The following CCDC102B variants were observed in gnomAD, a reference collection of about 807,000 sequenced individuals.
CCDC102B encodes the protein coiled-coil domain-containing protein 102B.
A neutral mutation model predicts 57.4 loss-of-function variants in CCDC102B; 75 were observed. The ratio of observed to expected loss-of-function variants is 1.31; its 90% confidence interval spans 1.08 to 1.58. The LOEUF is 1.58. Ranked by LOEUF, CCDC102B falls within the 40% of genes most tolerant of loss-of-function variation. The pLI is 0.00. For synonymous variants in CCDC102B, 206 were observed against 201.9 expected (o/e 1.02, Z -0.17); for missense variants, 636 against 582.6 (o/e 1.09, Z -0.94).
intron 2 of CCDC102B, among the ~76,000 whole-genome samples, chr18:68,722,366 A>G (rs1372940957): frequency 1.3e-5 from 2 of 152,218 alleles, no homozygotes; most frequent in Non-Finnish European, 1.5e-5. Context: ...TGGCCTGACT[A>G]TATGACAATG....
chr18:69,024,897 T>C (rs2051942774), intron 7 of CCDC102B, among the ~76,000 whole-genome samples: 1 of 152,054 alleles, frequency 6.6e-6, no homozygotes, highest in Non-Finnish European at 1.5e-5. Flanking sequence ...AGTTCTTATA[T>C]AGGTTTATGT....
At chr18:68,868,300 A>T (rs2039092113) in intron 4 of CCDC102B, among the ~76,000 whole-genome samples, 1 of 152,180 alleles carries the variant, frequency 6.6e-6, no homozygotes, top group Admixed American at 6.5e-5. Flanking sequence ...TGACATCCTT[A>T]TTTTGACTTG....
intron 1 of CCDC102B, among the ~76,000 whole-genome samples, chr18:68,804,666 A>G (rs796746473): frequency 2.6e-5 from 4 of 152,216 alleles, no homozygotes; most frequent in African/African-American, 9.6e-5. Flanking sequence ...GGCCAAGTAA[A>G]ACAGGAATTT....
intron 5 of CCDC102B, among the ~76,000 whole-genome samples, chr18:68,891,079 T>C (rs964982346): frequency 6.6e-6 from 1 of 152,188 alleles, no homozygotes; most frequent in Non-Finnish European, 1.5e-5. Flanking sequence ...TTTATCTGTA[T>C]CTCTTTTAAA....
chr18:69,010,341 A>C (rs2051480301), intron 6 of CCDC102B, among the ~76,000 whole-genome samples: 1 of 152,010 alleles, frequency 6.6e-6, no homozygotes, highest in Admixed American at 6.6e-5. Flanking sequence ...AATTATTGTA[A>C]CCTGTTAATT....
intron 6 of CCDC102B, among the ~76,000 whole-genome samples, chr18:68,999,154 A>C (rs1274140594): frequency 6.6e-6 from 1 of 151,998 alleles, no homozygotes; most frequent in Admixed American, 6.6e-5. Flanking sequence ...GTGAAGGAGC[A>C]ATCATGGAAA....
intron 2 of CCDC102B, among the ~76,000 whole-genome samples, chr18:68,762,535 T>C (rs1300562378): frequency 6.6e-6 from 1 of 152,124 alleles, no homozygotes; most frequent in East Asian, 1.9e-4. Context: ...CCCTTGTTTT[T>C]CTTAATGATG....
chr18:68,844,246 A>G (rs1046966921), intron 3 of CCDC102B, among the ~76,000 whole-genome samples: 11 of 151,814 alleles, frequency 7.2e-5, no homozygotes, highest in African/African-American at 2.7e-4. Flanking sequence ...TGATTTCTCA[A>G]CATGTATGAT....
intron 7 of CCDC102B, among the ~76,000 whole-genome samples, chr18:69,015,849 TTTTTTA>T (rs1332852444): frequency 6.6e-6 from 1 of 151,984 alleles, no homozygotes; most frequent in Non-Finnish European, 1.5e-5. Context: ...AATGGCACAT[TTTTTTA>T]TTTTTATTTT....
At chr18:68,951,676 C>T (rs2145197576) in intron 6 of CCDC102B, among the ~76,000 whole-genome samples, 1 of 151,874 alleles carries the variant, frequency 6.6e-6, no homozygotes, top group East Asian at 1.9e-4. Context: ...GGTGTGGTGT[C>T]ACACATCTTT....
At chr18:68,762,500 T>G (rs559835081) in intron 2 of CCDC102B, among the ~76,000 whole-genome samples, 1 of 152,240 alleles carries the variant, frequency 6.6e-6, no homozygotes, top group South Asian at 2.1e-4. Flanking sequence ...ACTGTCATGG[T>G]ATTCCAGAGC....
chr18:68,832,861 A>G (rs112329937), intron 1 of CCDC102B, among the ~76,000 whole-genome samples: 3,104 of 152,096 alleles, frequency 0.02, 105 homozygotes, highest in African/African-American at 0.071. Flanking sequence ...GAATGGACAC[A>G]TCCAGGTAGC....
chr18:68,804,935 A>G (rs980660237), intron 1 of CCDC102B, among the ~76,000 whole-genome samples: 1 of 150,788 alleles, frequency 6.6e-6, no homozygotes, highest in African/African-American at 2.4e-5. Context: ...TAATCTAGAG[A>G]GAGGTACAAA....
At chr18:69,040,649 A>T (rs72959994) in intron 7 of CCDC102B, among the ~76,000 whole-genome samples, 5,026 of 151,882 alleles carry the variant, frequency 0.033, 138 homozygotes, top group East Asian at 0.15. Flanking sequence ...TGATTTTATC[A>T]CTCTGTAGTA....
chr18:68,826,883 A>G (rs914713916), intron 1 of CCDC102B, among the ~76,000 whole-genome samples: 9 of 152,194 alleles, frequency 5.9e-5, no homozygotes, highest in African/African-American at 2.2e-4. Context: ...ATAAGAGTTA[A>G]AATGAAAGAT....
intron 6 of CCDC102B, among the ~76,000 whole-genome samples, chr18:68,971,276 T>C (rs927476949): frequency 2.6e-5 from 4 of 152,098 alleles, no homozygotes; most frequent in African/African-American, 4.8e-5. Context: ...CATCTTACTG[T>C]TGTTTTATGC....
intron 4 of CCDC102B, among the ~76,000 whole-genome samples, chr18:68,851,524 GAATT>G (rs1217794295): frequency 1.3e-5 from 2 of 152,192 alleles, no homozygotes; most frequent in African/African-American, 2.4e-5. Flanking sequence ...ACATAAGTTG[GAATT>G]AATTAAACTA....
chr18:68,820,624 TTTC>T (rs2036655940), intron 1 of CCDC102B, among the ~76,000 whole-genome samples: 1 of 152,104 alleles, frequency 6.6e-6, no homozygotes, highest in Admixed American at 6.6e-5. Flanking sequence ...GTTAAGAAAA[TTTC>T]TTCTTTTTGA....
intron 6 of CCDC102B, among the ~76,000 whole-genome samples, chr18:68,945,874 T>C (rs980837253): frequency 1.3e-5 from 2 of 152,092 alleles, no homozygotes; most frequent in African/African-American, 4.8e-5. Flanking sequence ...CCTTGCACAC[T>C]ACTGGCTTGG....
Sources: allele counts gnomAD v4.1 joint callset (sites outside exome capture counted in the v4.1 genomes callset), GRCh38; gene constraint gnomAD v4.1.1; transcripts MANE v1.5; gene names NCBI Gene and HGNC (gene_info 2026-07-23, HGNC 2026-07-21).